Variants in DCLRE1A observed in about 807,000 individuals in gnomAD.
DCLRE1A encodes the protein DNA cross-link repair 1A protein.
In DCLRE1A, 64 loss-of-function variants were observed where a neutral mutation model predicts 91.9. The observed-to-expected ratio is 0.70, with a 90% CI of 0.57 to 0.86. The LOEUF (loss-of-function observed/expected upper bound fraction) is 0.86, where lower values mean the gene tolerates loss of function less well. Ranked by LOEUF, DCLRE1A falls within the 40% of genes least tolerant of loss-of-function variation. The pLI, the probability that DCLRE1A is intolerant of heterozygous loss-of-function variation, is 0.00. For missense variants in DCLRE1A, 1,145 were observed against 1,213.3 expected, an observed-to-expected ratio of 0.94 and a Z score of 0.84; for synonymous variants, 416 against 431.1, an observed-to-expected ratio of 0.96 and a Z score of 0.43.
At chr10:113,835,402 G>C (rs1845346479) in intron 8 of DCLRE1A, 90 bp from the exon 9 acceptor site, 1 of 1,348,176 alleles carries the variant, frequency 7.4e-7, no homozygotes, top group Non-Finnish European at 9.8e-7. Flanking sequence ...AAACAAAAGA[G>C]AAAAGCAATC....
Position 113,842,475 on chromosome 10 carries a change from C to G in DCLRE1A, c.2533G>C (p.Glu845Gln). Residue 845 changes from glutamate to glutamine, a missense_variant, in exon 6 of 9, where the codon GAA (glutamate) becomes CAA (glutamine). Coordinates refer to ENST00000361384, the MANE Select transcript of DCLRE1A (RefSeq NM_014881.5). Reference sequence around the variant, plus strand: ...TCTTGCTGAGATGGAAAGGTGTATTCTGGGCTACAATATCTGTGGTATGGA... The same window carrying G: ...TCTTGCTGAGATGGAAAGGTGTATTGTGGGCTACAATATCTGTGGTATGGA... Reference protein sequence around the residue: ...LYLDTTYCSPEYTFPSQQEVI... With the variant: ...LYLDTTYCSPQYTFPSQQEVI... 1 of 1,613,102 alleles carries G rather than the reference C, an allele frequency of 6.2e-7. No homozygotes were observed. Among genetic ancestry groups the G allele is most frequent in the East Asian group, 2.2e-5 (1 of 44,848 alleles).
chr10:113,842,142 T>A (rs1384127893), intron 6 of DCLRE1A, among the ~76,000 whole-genome samples: 2 of 152,212 alleles, frequency 1.3e-5, no homozygotes, highest in African/African-American at 4.8e-5. Context: ...TTAAACACAA[T>A]TATCAAATGT....
At chr10:113,846,904 A>G (rs571220136) in intron 3 of DCLRE1A, among the ~76,000 whole-genome samples, 1 of 152,224 alleles carries the variant, frequency 6.6e-6, no homozygotes, top group Admixed American at 6.5e-5. Context: ...GGCTGACTGT[A>G]TTTTGCCTTG....
chr10:113,840,678 TCTC>T (rs1473027648), intron 7 of DCLRE1A, among the ~76,000 whole-genome samples: 1 of 152,180 alleles, frequency 6.6e-6, no homozygotes, highest in Non-Finnish European at 1.5e-5. Flanking sequence ...AGTCTTCCTG[TCTC>T]CATTGCCTCA....
rs1845685208 is a variant in DCLRE1A, at chr10:113,853,025, C to T, written c.158G>A (p.Arg53Lys). ...CTTCACCTCTTTAGCTTCTGCGGCT[C>T]TTTTTCTGTTTCTACTCCGTTTTGA... ...YQSKRSRNRK[R>K]AAEAKEVKDH... The change falls in exon 1 of 9, where the codon AGA becomes AAA. Residue 53 changes from arginine (R) to lysine (K), a missense_variant. Coordinates refer to ENST00000361384, the MANE Select transcript of DCLRE1A (RefSeq NM_014881.5). 1 of 1,613,776 alleles carries T rather than the reference C, an allele frequency of 6.2e-7. No homozygotes were observed. Among genetic ancestry groups the T allele is most frequent in the South Asian group, 1.1e-5 (1 of 90,988 alleles).
chr10:113,846,154 G>A (rs181386298), intron 3 of DCLRE1A, among the ~76,000 whole-genome samples: 53 of 152,178 alleles, frequency 3.5e-4, no homozygotes, highest in Admixed American at 2.9e-3. Context: ...TATTTCTCAG[G>A]TGCCTGTGCC....
chr10:113,846,993 T>C (rs928142990), intron 3 of DCLRE1A, among the ~76,000 whole-genome samples: 1 of 152,216 alleles, frequency 6.6e-6, no homozygotes, highest in African/African-American at 2.4e-5. Flanking sequence ...AGTTTATCTT[T>C]TGTTTCCATG....
At chr10:113,837,426 A>C (rs931228822) in intron 7 of DCLRE1A, among the ~76,000 whole-genome samples, 15 of 152,242 alleles carry the variant, frequency 9.9e-5, no homozygotes, top group Non-Finnish European at 1.5e-4. Flanking sequence ...CAGTCTGGAA[A>C]AAAAAGTATA....
At chr10:113,840,817 T>C (rs1281375575) in intron 7 of DCLRE1A, among the ~76,000 whole-genome samples, 1 of 152,220 alleles carries the variant, frequency 6.6e-6, no homozygotes, top group African/African-American at 2.4e-5. Flanking sequence ...GGTGTCAAAA[T>C]GTTAGTATAT....
At chr10:113,837,937 A>T (rs972429270) in intron 7 of DCLRE1A, among the ~76,000 whole-genome samples, 1 of 152,266 alleles carries the variant, frequency 6.6e-6, no homozygotes, top group African/African-American at 2.4e-5. Context: ...GATACAAAAA[A>T]ATCTAATACT....
In DCLRE1A at chr10:113,850,218, C is replaced by T; in HGVS notation, c.887G>A (p.Cys296Tyr). The T allele has an allele frequency of 6.2e-7, 1 of 1,614,166 alleles. No individual in the cohort carries two copies. The highest frequency in any genetic ancestry group is 8.5e-7 in the Non-Finnish European group (1 of 1,180,028). Reference protein sequence around the residue: ...LPLPENDFSDCEISYSPLQSD... With the variant: ...LPLPENDFSDYEISYSPLQSD... ...TTGAAGTGGAGAATAGGAGATTTCA[C>T]AGTCACTGAAGTCATTTTCTGGCAA... is the stretch of plus-strand genomic sequence containing the variant. The change falls in exon 2 of 9, where the codon TGT (cysteine) becomes TAT (tyrosine). Residue 296 changes from cysteine to tyrosine, a missense_variant. Coordinates refer to ENST00000361384, the MANE Select transcript of DCLRE1A (RefSeq NM_014881.5).
At chr10:113,839,449 T>C (rs1016924988) in intron 7 of DCLRE1A, among the ~76,000 whole-genome samples, 11 of 152,004 alleles carry the variant, frequency 7.2e-5, no homozygotes, top group Admixed American at 1.3e-4. Flanking sequence ...ACGTTGTGAA[T>C]GTATCATCTA....
chr10:113,851,954 C>T (rs1046159371), intron 1 of DCLRE1A, among the ~76,000 whole-genome samples: 1 of 152,138 alleles, frequency 6.6e-6, no homozygotes, highest in Non-Finnish European at 1.5e-5. Flanking sequence ...TCAAGTGATC[C>T]GCCTGCCTCC....
At position 113,853,029 on chromosome 10, in the gene DCLRE1A, TTC is replaced by T; in HGVS notation, c.152_153del (p.Arg51LysfsTer7). ...GKYQSKRSRN[R>X]KRAAEAKEVK... ...ACCTCTTTAGCTTCTGCGGCTCTTTTTCTGTTTCTACTCCGTTTTGACTGGTA... is the reference window on the plus strand; with the variant it reads ...ACCTCTTTAGCTTCTGCGGCTCTTTTTGTTTCTACTCCGTTTTGACTGGTA... On this transcript the variant is annotated frameshift_variant, in exon 1 of 9. Coordinates refer to ENST00000361384, the MANE Select transcript of DCLRE1A (RefSeq NM_014881.5). LOFTEE classifies it high-confidence loss of function. The T allele has an allele frequency of 6.2e-7, 1 of 1,613,980 alleles. No individual in the cohort carries two copies.
rs996176024 is a variant in DCLRE1A at position 113,842,486 on chromosome 10, T to C, written c.2522A>G (p.Tyr841Cys). The C allele has an allele frequency of 6.2e-7, 1 of 1,611,886 alleles. No homozygotes were observed. The highest frequency in any genetic ancestry group is 8.5e-7 in the Non-Finnish European group (1 of 1,178,560). Residue 841 changes from tyrosine to cysteine, a missense_variant and splice_region_variant, in exon 6 of 9, where the codon TAT becomes TGT. By Grantham distance (194) the Tyr-to-Cys change is radical. Coordinates refer to ENST00000361384, the MANE Select transcript of DCLRE1A (RefSeq NM_014881.5). Reference sequence around the variant, plus strand: ...TGGAAAGGTGTATTCTGGGCTACAATATCTGTGGTATGGAAACATGGTACT... The same window carrying C: ...TGGAAAGGTGTATTCTGGGCTACAACATCTGTGGTATGGAAACATGGTACT... ...KVHMLYLDTT[Y>C]CSPEYTFPSQ...
Position 113,839,879 on chromosome 10 carries a change from G to A in DCLRE1A, c.2820+1527C>T, listed in dbSNP as rs78507692. Among the ~76,000 whole-genome samples, 368 of 151,856 alleles carry A rather than the reference G, an allele frequency of 2.4e-3. 1 individual carries two copies. The highest frequency in any genetic ancestry group is 7.9e-3 in the African/African-American group (327 of 41,506). On this transcript the variant is annotated intron_variant, in intron 7 of 8. Transcript: ENST00000361384. ...AGACGTGGAAACATACAGACTTGAC[G>A]ACTATCAAAAATATAGATTTAATGA...
At chr10:113,840,870 G>A (rs1845435212) in intron 7 of DCLRE1A, among the ~76,000 whole-genome samples, 1 of 152,106 alleles carries the variant, frequency 6.6e-6, no homozygotes, top group South Asian at 2.1e-4. Context: ...TGACAAATAA[G>A]CCCCCAAATC....
Position 113,837,222 on chromosome 10 carries a change from A to C in DCLRE1A, c.2821-19T>G. 2 of 1,602,088 alleles carry C rather than the reference A, an allele frequency of 1.2e-6. No homozygotes were observed. Among genetic ancestry groups the C allele is most frequent in the Non-Finnish European group, 1.7e-6 (2 of 1,175,774 alleles). On this transcript the variant is annotated intron_variant, in intron 7 of 8. Transcript: ENST00000361384. ...GTAAGCCCTGTTAAATTAAAATAGCATATTGAGGTCAATGGAGACGAGTTA... is the reference window on the plus strand; with the variant it reads ...GTAAGCCCTGTTAAATTAAAATAGCCTATTGAGGTCAATGGAGACGAGTTA...
At position 113,835,722 on chromosome 10, in the gene DCLRE1A, G is replaced by T. The variant is rs190740007; in HGVS notation, c.2963-410C>A. On this transcript the variant is annotated intron_variant, in intron 8 of 8. Transcript: ENST00000361384. ...GGCCGAAGCGGGCAGATTACCTGAG[G>T]TCAGGAGTTCGAGGCCAGCCTGGCC... Among the ~76,000 whole-genome samples the T allele has an allele frequency of 4.6e-5, 7 of 152,224 alleles. No homozygotes were observed. In the East Asian group the frequency reaches 7.7e-4, roughly 17 times the overall value.
Sources: gnomAD v4.1 joint callset for allele counts (sites outside exome capture counted in the v4.1 genomes callset) on GRCh38, gnomAD v4.1.1 for gene constraint, MANE v1.5 for transcripts, NCBI Gene and HGNC (gene_info 2026-07-23, HGNC 2026-07-21) for gene names.